The following TRIM66 variants were observed in gnomAD, a reference collection of about 807,000 sequenced individuals.
TRIM66 encodes the protein tripartite motif containing 66, also known as tripartite motif-containing protein 66.
Under a neutral mutation model 148.2 loss-of-function variants are expected in TRIM66, and 99 were observed. The observed-to-expected ratio is 0.67, with a 90% CI of 0.57 to 0.79. TRIM66 has a LOEUF of 0.79. TRIM66 is among the 30% of genes least tolerant of loss of function. The probability of loss-of-function intolerance (pLI) is 0.00; values close to 1 mark genes in which losing one functional copy is unlikely to be tolerated. For synonymous variants in TRIM66, 616 were observed against 635.9 expected, an observed-to-expected ratio of 0.97 and a Z score of 0.47; for missense variants, 1,666 against 1,697.9, an observed-to-expected ratio of 0.98 and a Z score of 0.33.
rs62622852 is a variant in TRIM66 at position 8,617,784 on chromosome 11, C to T, written c.*160G>A. The T allele has an allele frequency of 0.12, 78,163 of 668,958 alleles. 5,342 individuals carry two copies. Among genetic ancestry groups the T allele is most frequent in the East Asian group, 0.27 (9,899 of 36,446 alleles). The allele number at this position is 668,958 out of a possible 1,614,324, so 41.4% of individuals were successfully genotyped here. ...TCTGTAGTGGATGTACTACGGCTCC[C>T]AAATAAATGCTGTAGATGCAAATGG... is the stretch of plus-strand genomic sequence containing the variant. On this transcript the variant is annotated 3_prime_UTR_variant, in exon 25 of 25. Transcript: ENST00000646038.
At chr11:8,650,891 A>T (rs2037301201) in intron 7 of TRIM66, among the ~76,000 whole-genome samples, 2 of 152,358 alleles carry the variant, frequency 1.3e-5, no homozygotes, top group South Asian at 2.1e-4. Flanking sequence ...GGGAGTACAC[A>T]GCAAGATGGT....
At chr11:8,622,365 C>CACACACACACACACACAT in intron 18 of TRIM66, among the ~76,000 whole-genome samples, 24 of 59,578 alleles carry the variant, frequency 4.0e-4, no homozygotes, top group South Asian at 1.1e-3. Flanking sequence ...CACACACACA[C>CACACACACACACACACAT]ATATATATAT....
chr11:8,681,791 T>C (rs1231292377), intron 1 of TRIM66, among the ~76,000 whole-genome samples: 1 of 152,014 alleles, frequency 6.6e-6, no homozygotes, highest in African/African-American at 2.4e-5. Context: ...GGTCAATAAA[T>C]TACATAAGGG....
At chr11:8,642,917 C>G in intron 13 of TRIM66, 92 bp downstream of exon 13, 1 of 458,708 alleles carries the variant, frequency 2.2e-6, no homozygotes, top group Non-Finnish European at 3.3e-6. Context: ...AGAGTGCTTT[C>G]TCTTGGGCAT....
intron 15 of TRIM66, among the ~76,000 whole-genome samples, chr11:8,629,563 T>C (rs1347156470): frequency 6.6e-6 from 1 of 152,140 alleles, no homozygotes; most frequent in Non-Finnish European, 1.5e-5. Context: ...ATCATATTCG[T>C]GGGAAATTGG....
intron 1 of TRIM66, among the ~76,000 whole-genome samples, chr11:8,681,733 A>C (rs955537611): frequency 6.6e-6 from 1 of 152,092 alleles, no homozygotes; most frequent in East Asian, 1.9e-4. Context: ...TAAAAAAAAC[A>C]GTCCTTGACC....
intron 6 of TRIM66, among the ~76,000 whole-genome samples, chr11:8,661,444 T>C (rs940800173): frequency 1.3e-5 from 2 of 152,192 alleles, no homozygotes; most frequent in Admixed American, 6.5e-5. Context: ...AGCACCTCTG[T>C]CTCTTTTCAT....
At chr11:8,628,636 A>AG (rs577838428) in intron 15 of TRIM66, among the ~76,000 whole-genome samples, 2 of 93,340 alleles carry the variant, frequency 2.1e-5, no homozygotes, top group Non-Finnish European at 2.3e-5. Context: ...AAAAAAAAAA[A>AG]AGAGAGAGAA....
chr11:8,629,671 C>T (rs1415322979), intron 15 of TRIM66, among the ~76,000 whole-genome samples: 2 of 152,142 alleles, frequency 1.3e-5, no homozygotes, highest in Non-Finnish European at 2.9e-5. Flanking sequence ...GCGGAAACTC[C>T]ATGGCAGTTT....
intron 6 of TRIM66, among the ~76,000 whole-genome samples, chr11:8,666,017 A>G (rs2038566608): frequency 6.6e-6 from 1 of 151,892 alleles, no homozygotes; most frequent in Non-Finnish European, 1.5e-5. Context: ...GGTAACCATG[A>G]CCCAGCCAGA....
chr11:8,622,603 C>A (rs529543794), intron 18 of TRIM66, among the ~76,000 whole-genome samples: 1 of 146,822 alleles, frequency 6.8e-6, no homozygotes. Flanking sequence ...AGTGCAAGGG[C>A]GGCACCCAGA....
intron 6 of TRIM66, among the ~76,000 whole-genome samples, chr11:8,654,953 T>G (rs1176444504): frequency 6.6e-6 from 1 of 152,098 alleles, no homozygotes; most frequent in Non-Finnish European, 1.5e-5. Flanking sequence ...CTCCGCCTCC[T>G]GGGTTCAAGC....
intron 4 of TRIM66, among the ~76,000 whole-genome samples, chr11:8,674,599 C>G (rs1430842986): frequency 1.3e-5 from 2 of 152,130 alleles, no homozygotes; most frequent in Non-Finnish European, 2.9e-5. Context: ...GTAGCCCAAG[C>G]TGGTCTCAAA....
chr11:8,673,173 C>A (rs1056803327), intron 4 of TRIM66, among the ~76,000 whole-genome samples: 1 of 151,828 alleles, frequency 6.6e-6, no homozygotes, highest in Admixed American at 6.6e-5. Context: ...CATGATCCAC[C>A]CGCCTCGGCC....
Position 8,617,606 on chromosome 11 carries a change from C to T in TRIM66, c.*338G>A, listed in dbSNP as rs527526354. The T allele has an allele frequency of 8.8e-5, 27 of 305,872 alleles. No homozygotes were observed. The East Asian group carries it at 1.1e-3, about 12-fold the overall frequency. 18.9% of individuals were successfully genotyped at this position (305,872 alleles called of 1,614,324 possible). On this transcript the variant is annotated 3_prime_UTR_variant, in exon 25 of 25. Transcript: ENST00000646038. The stretch of plus-strand genomic sequence containing the variant: ...GAGCCCTGGACACTAAAAGGTTAGA[C>T]GGGTCTGCTTTCCCAGGCAGAAAAA...
chr11:8,619,839 G>A (rs1424437283), intron 22 of TRIM66, among the ~76,000 whole-genome samples: 1 of 152,238 alleles, frequency 6.6e-6, no homozygotes, highest in African/African-American at 2.4e-5. Context: ...ACTACTCCCA[G>A]TGGCCATGCT....
chr11:8,665,300 C>A (rs7106264), intron 6 of TRIM66, among the ~76,000 whole-genome samples: 2,399 of 152,306 alleles, frequency 0.016, 70 homozygotes, highest in African/African-American at 0.055. Flanking sequence ...TAGCCAGAGA[C>A]AGGTGACAGC....
chr11:8,617,695 A>G lies in TRIM66; in HGVS notation c.*249T>C, dbSNP rs1027953413. Reference sequence around the variant, plus strand: ...GGTGTGGTCTTGTCAAGTGGAGCCTATACATCTGATTACTCTGGTAATAAT... The same window carrying G: ...GGTGTGGTCTTGTCAAGTGGAGCCTGTACATCTGATTACTCTGGTAATAAT... On this transcript the variant is annotated 3_prime_UTR_variant, in exon 25 of 25. Transcript: ENST00000646038. The G allele has an allele frequency of 5.8e-5, 29 of 501,682 alleles. No individual in the cohort carries two copies. Among genetic ancestry groups the G allele is most frequent in the Non-Finnish European group, 9.2e-5 (26 of 283,768 alleles). 31.1% of individuals were successfully genotyped at this position (501,682 alleles called of 1,614,324 possible). A position where few individuals can be genotyped will look rare whatever the true frequency, so the allele number is the denominator to read the frequency against.
intron 15 of TRIM66, among the ~76,000 whole-genome samples, chr11:8,636,106 T>C (rs549125195): frequency 3.2e-4 from 49 of 152,188 alleles, no homozygotes; most frequent in African/African-American, 1.2e-3. Context: ...CTTCTCAACT[T>C]TTCTGCATGT....
Sources: allele counts gnomAD v4.1 joint callset (sites outside exome capture counted in the v4.1 genomes callset), GRCh38; gene constraint gnomAD v4.1.1; transcripts MANE v1.5; gene names NCBI Gene and HGNC (gene_info 2026-07-23, HGNC 2026-07-21).